Variants in MTMR3 observed in about 807,000 individuals in gnomAD.
MTMR3 encodes the protein myotubularin related protein 3.
A neutral mutation model predicts 132.4 loss-of-function variants in MTMR3; 32 were observed. The ratio of observed to expected loss-of-function variants is 0.24; its 90% CI spans 0.18 to 0.32. MTMR3 has a LOEUF of 0.32. Among genes scored for constraint, MTMR3 ranks in the 10% least tolerant of loss-of-function variants. The pLI is 1.00. For missense variants in MTMR3, 1,216 were observed against 1,489.6 expected (o/e 0.82, Z 3.02); for synonymous variants, 556 against 550.3 (o/e 1.01, Z -0.14).
chr22:29,976,683 A>C (rs748667341), intron 3 of MTMR3, among the ~76,000 whole-genome samples: 1 of 152,224 alleles, frequency 6.6e-6, no homozygotes, highest in Non-Finnish European at 1.5e-5. Context: ...ATGTCAATAC[A>C]GTGAAGAAAG....
intron 1 of MTMR3, among the ~76,000 whole-genome samples, chr22:29,888,960 C>T: frequency 6.6e-6 from 1 of 151,512 alleles, no homozygotes; most frequent in Non-Finnish European, 1.5e-5. Context: ...ATTTAGTTTT[C>T]AGAATTATTC....
Position 29,904,637 on chromosome 22 carries a change from C to T in MTMR3, c.-138+21278C>T, listed in dbSNP as rs188885366. Among the ~76,000 whole-genome samples, 309 of 152,320 alleles carry T rather than the reference C, an allele frequency of 2.0e-3. 1 individual carries two copies. The highest frequency in any genetic ancestry group is 3.5e-3 in the Admixed American group (54 of 15,296). On this transcript the variant is annotated intron_variant, in intron 1 of 19. Transcript: ENST00000401950. ...CAGTATTTGCTAATTGTGGTTGTTT[C>T]TACTGTTATTAAAGTGATAACAACA...
At chr22:29,947,090 ATATACATGTT>A (rs1187715541) in intron 1 of MTMR3, among the ~76,000 whole-genome samples, 2 of 152,360 alleles carry the variant, frequency 1.3e-5, no homozygotes, top group East Asian at 3.9e-4. Flanking sequence ...ATTTTAACAT[ATATACATGTT>A]CTGACTGAAC....
At chr22:29,930,783 T>C (rs1440133464) in intron 1 of MTMR3, among the ~76,000 whole-genome samples, 2 of 152,022 alleles carry the variant, frequency 1.3e-5, no homozygotes, top group East Asian at 3.9e-4. Flanking sequence ...AGAGGATTGC[T>C]TGAGCCCAGG....
Position 30,026,807 on chromosome 22 carries a change from G to C in MTMR3, c.*1006G>C, listed in dbSNP as rs1238373385. ...TCATGGATCTTCCCTTTAAGGGGTA[G>C]AATCAGCCTTTAGAGTTACAAGCCC... is the stretch of plus-strand genomic sequence containing the variant. On this transcript the variant is annotated 3_prime_UTR_variant, in exon 20 of 20. Coordinates refer to ENST00000401950, the MANE Select transcript of MTMR3 (RefSeq NM_021090.4). 6.5e-6 allele frequency: 1 copy of C among 152,860 alleles called. No homozygotes were observed. Among genetic ancestry groups the C allele is most frequent in the Non-Finnish European group, 1.5e-5 (1 of 68,098 alleles). The allele number at this position is 152,860 out of a possible 1,614,324, so 9.5% of individuals were successfully genotyped here. A position where few individuals can be genotyped will look rare whatever the true frequency, so the allele number is the denominator to read the frequency against.
chr22:29,973,943 T>C (rs564195260), intron 3 of MTMR3, among the ~76,000 whole-genome samples: 1 of 152,272 alleles, frequency 6.6e-6, no homozygotes, highest in East Asian at 1.9e-4. Flanking sequence ...TGACTTCTGC[T>C]CTGAAGCATG....
intron 15 of MTMR3, 34 bp downstream of exon 15, chr22:30,016,732 C>G (rs1009515712): frequency 6.3e-7 from 1 of 1,581,058 alleles, no homozygotes; most frequent in African/African-American, 1.4e-5. Flanking sequence ...CTGTGGTCAG[C>G]AGAAGGAATT....
intron 1 of MTMR3, among the ~76,000 whole-genome samples, chr22:29,926,469 T>A (rs1253776814): frequency 6.6e-6 from 1 of 152,222 alleles, no homozygotes; most frequent in African/African-American, 2.4e-5. Flanking sequence ...CCACACTGTT[T>A]CCCACAGTGG....
At chr22:29,905,946 T>C (rs1365837696) in intron 1 of MTMR3, among the ~76,000 whole-genome samples, 1 of 152,208 alleles carries the variant, frequency 6.6e-6, no homozygotes, top group Non-Finnish European at 1.5e-5. Flanking sequence ...TTATATATCC[T>C]TCTACTGACA....
intron 7 of MTMR3, chr22:29,997,566 C>T (rs893251880): frequency 6.6e-6 from 1 of 152,172 alleles, no homozygotes; most frequent in African/African-American, 2.4e-5. Flanking sequence ...TTCGTTTCTA[C>T]CTCTGTTTTG....
At chr22:29,945,523 C>G (rs1400416999) in intron 1 of MTMR3, among the ~76,000 whole-genome samples, 1 of 150,672 alleles carries the variant, frequency 6.6e-6, no homozygotes, top group Non-Finnish European at 1.5e-5. Context: ...AAAGCGAGAT[C>G]CCTGTCTCTA....
intron 1 of MTMR3, among the ~76,000 whole-genome samples, chr22:29,921,417 A>C (rs2065409971): frequency 1.3e-5 from 2 of 152,326 alleles, no homozygotes; most frequent in Non-Finnish European, 2.9e-5. Context: ...GTTTGGGATC[A>C]CATTTCACCA....
At position 30,020,823 on chromosome 22, in the gene MTMR3, G is replaced by A. The variant is rs748475111; in HGVS notation, c.3164G>A (p.Arg1055His). Residue 1055 changes from arginine (R) to histidine (H), a missense_variant, in exon 17 of 20, where the codon CGC becomes CAC. Arg to His is a conservative substitution (Grantham distance 29, BLOSUM62 0). Around this residue, in one of 7 missense-constraint regions of MTMR3, gnomAD observed 852 missense variants for 852.0 expected, o/e 1.00. Transcript: ENST00000401950. ...AAACAAGTCCAGGAGCTGAAGAGTC[G>A]CCTGGAGAGCCAGTACCTGACCAGC... ...LKKQVQELKS[R>H]LESQYLTSSL... 51 of 1,610,474 alleles carry A rather than the reference G, an allele frequency of 3.2e-5. No homozygotes were observed. The highest frequency in any genetic ancestry group is 3.6e-5 in the Non-Finnish European group (43 of 1,178,226).
intron 1 of MTMR3, among the ~76,000 whole-genome samples, chr22:29,929,183 A>C (rs999537840): frequency 2.6e-5 from 4 of 152,018 alleles, no homozygotes; most frequent in African/African-American, 9.7e-5. Context: ...CGGGAGGCTA[A>C]GGCAGGAGAA....
intron 1 of MTMR3, among the ~76,000 whole-genome samples, chr22:29,956,649 A>T (rs2066197807): frequency 1.3e-5 from 2 of 152,212 alleles, no homozygotes; most frequent in Admixed American, 1.3e-4. Context: ...CCTTAAAATA[A>T]GTCCAAGCCT....
At chr22:29,929,704 G>A (rs1017092658) in intron 1 of MTMR3, among the ~76,000 whole-genome samples, 1 of 152,028 alleles carries the variant, frequency 6.6e-6, no homozygotes, top group Admixed American at 6.6e-5. Context: ...AGCAGAGACA[G>A]GGTTTCACCG....
chr22:29,925,083 A>G (rs958723426), intron 1 of MTMR3, among the ~76,000 whole-genome samples: 1 of 152,202 alleles, frequency 6.6e-6, no homozygotes, highest in African/African-American at 2.4e-5. Flanking sequence ...CCCAGGCTAG[A>G]GTGCAGTAGC....
Position 29,983,531 on chromosome 22 carries a change from T to C in MTMR3, c.210+4479T>C, listed in dbSNP as rs1380352765. Reference sequence around the variant, plus strand: ...AATGCACTTTGATCTAGCATTCATATAACAGTGGGAGCCTCTGAAAGCAGT... The same window carrying C: ...AATGCACTTTGATCTAGCATTCATACAACAGTGGGAGCCTCTGAAAGCAGT... On this transcript the variant is annotated intron_variant, in intron 5 of 19. Transcript: ENST00000401950. 3 of 152,100 alleles carry C rather than the reference T, an allele frequency of 2.0e-5. No homozygotes were observed. In the East Asian group the frequency reaches 5.8e-4, roughly 29 times the overall value. 9.4% of individuals were successfully genotyped at this position (152,100 alleles called of 1,614,324 possible). A position where few individuals can be genotyped will look rare whatever the true frequency, so the allele number is the denominator to read the frequency against.
chr22:30,008,112 T>A, intron 11 of MTMR3, 80 bp downstream of exon 11: 2 of 1,552,412 alleles, frequency 1.3e-6, no homozygotes, highest in Non-Finnish European at 1.8e-6. Flanking sequence ...AGTTCCCAAT[T>A]TGAAATAAGT....
Sources: allele counts gnomAD v4.1 joint callset (sites outside exome capture counted in the v4.1 genomes callset), GRCh38; gene constraint gnomAD v4.1.1; regional missense constraint gnomAD v4.1.1; transcripts MANE v1.5; gene names NCBI Gene and HGNC (gene_info 2026-07-23, HGNC 2026-07-21).